PGAP1: variants seen among roughly 807,000 people sequenced by gnomAD.
PGAP1 encodes the protein post-GPI attachment to proteins inositol deacylase 1, also known as GPI inositol-deacylase.
In PGAP1, 76 loss-of-function variants were observed where a neutral mutation model predicts 127.0. The observed-to-expected ratio is 0.60, with a 90% confidence interval of 0.50 to 0.72. The LOEUF (loss-of-function observed/expected upper bound fraction) is 0.72. PGAP1 is among the 30% of genes least tolerant of loss of function. The probability of loss-of-function intolerance (pLI) is 0.00; values close to 1 mark genes in which losing one functional copy is unlikely to be tolerated. For missense variants in PGAP1, 982 were observed against 1,071.3 expected, an observed-to-expected ratio of 0.92 and a Z score of 1.16; for synonymous variants, 362 against 366.5, an observed-to-expected ratio of 0.99 and a Z score of 0.14.
At chr2:196,886,156 TC>T (rs1443947058) in intron 10 of PGAP1, among the ~76,000 whole-genome samples, 3 of 144,908 alleles carry the variant, frequency 2.1e-5, no homozygotes, top group South Asian at 2.3e-4. Context: ...ACTGGTTATC[TC>T]TTTTTTTTTT....
At chr2:196,900,903 G>C (rs970347899) in intron 5 of PGAP1, among the ~76,000 whole-genome samples, 19 of 151,864 alleles carry the variant, frequency 1.3e-4, no homozygotes, top group African/African-American at 4.6e-4. Flanking sequence ...CTCCAGCCTG[G>C]GCTACAGAGC....
chr2:196,912,773 T>A, intron 4 of PGAP1, 109 bp downstream of exon 4: 1 of 1,004,986 alleles, frequency 1.0e-6, no homozygotes, highest in South Asian at 2.4e-5. Flanking sequence ...CTGAGTTGCT[T>A]CATACATGGA....
At position 196,880,087 on chromosome 2, in the gene PGAP1, G is replaced by A. The variant is rs1422722679; in HGVS notation, c.1339C>T (p.Arg447Cys). 8.1e-6 allele frequency: 13 copies of A among 1,601,874 alleles called. No homozygotes were observed. Among genetic ancestry groups the A allele is most frequent in the South Asian group, 1.1e-5 (1 of 90,230 alleles). ...SHLVVYVPSV[R>C]GSKFVVDCEF... ...AACCCACTTGTTACCTTACTTCCACGAACAGATGGTACATAAACAACAAGA... is the reference window on the plus strand; with the variant it reads ...AACCCACTTGTTACCTTACTTCCACAAACAGATGGTACATAAACAACAAGA... Residue 447 changes from arginine to cysteine, a missense_variant, in exon 13 of 27, where the codon CGT (arginine) becomes TGT (cysteine). Transcript: ENST00000354764.
At chr2:196,851,055 G>A (rs964558351) in intron 20 of PGAP1, among the ~76,000 whole-genome samples, 4 of 151,912 alleles carry the variant, frequency 2.6e-5, no homozygotes, top group Admixed American at 2.6e-4. Flanking sequence ...TAAATTATAA[G>A]GGGAGAAAAA....
intron 5 of PGAP1, among the ~76,000 whole-genome samples, chr2:196,899,894 T>A (rs1394614733): frequency 6.6e-6 from 1 of 152,162 alleles, no homozygotes; most frequent in Non-Finnish European, 1.5e-5. Flanking sequence ...AAAAATTAGC[T>A]GGGCATGGGG....
At chr2:196,923,971 G>A (rs1221762346) in intron 1 of PGAP1, among the ~76,000 whole-genome samples, 1 of 152,178 alleles carries the variant, frequency 6.6e-6, no homozygotes, top group Non-Finnish European at 1.5e-5. Flanking sequence ...TGTCGTAATA[G>A]GGCAAGAAGC....
chr2:196,845,338 G>C (rs1274960566), intron 23 of PGAP1, among the ~76,000 whole-genome samples: 5 of 149,498 alleles, frequency 3.3e-5, no homozygotes, highest in African/African-American at 1.2e-4. Flanking sequence ...GAATACACTT[G>C]TATTACCTCC....
At position 196,875,749 on chromosome 2, in the gene PGAP1, A is replaced by G; in HGVS notation, c.1423T>C (p.Phe475Leu). Residue 475 changes from phenylalanine to leucine, a missense_variant, in exon 14 of 27, where the codon TTT becomes CTT. Transcript: ENST00000354764. ...IQLPVTHLFSFGLSSRKVVLN... is the reference protein window; with the variant it reads ...IQLPVTHLFSLGLSSRKVVLN... ...TTTCCAAAAACAAAGTACTTACCAA[A>G]GGAAAAAAGATGAGTTACAGGAAGC... is the stretch of plus-strand genomic sequence containing the variant. The G allele has an allele frequency of 6.5e-7, 1 of 1,530,478 alleles. No homozygotes were observed. Among genetic ancestry groups the G allele is most frequent in the South Asian group, 1.1e-5 (1 of 87,456 alleles). The allele number at this position is 1,530,478 out of a possible 1,614,324, so 94.8% of individuals were successfully genotyped here.
chr2:196,841,436 A>C, intron 26 of PGAP1, 64 bp from the exon 27 acceptor site: 5 of 1,221,886 alleles, frequency 4.1e-6, no homozygotes, highest in Non-Finnish European at 4.7e-6. Context: ...AAATTATATC[A>C]ATCTTTTATA....
chr2:196,871,980 A>C (rs1203874932), intron 18 of PGAP1, among the ~76,000 whole-genome samples: 1 of 152,174 alleles, frequency 6.6e-6, no homozygotes, highest in Non-Finnish European at 1.5e-5. Context: ...CAAAATAAAC[A>C]CAATAGGTAT....
intron 21 of PGAP1, chr2:196,847,440 A>C (rs867306252): frequency 2.6e-4 from 72 of 278,524 alleles, no homozygotes; most frequent in African/African-American, 1.3e-3. Context: ...TATTGATACT[A>C]GTAGAAAGTA....
At position 196,920,013 on chromosome 2, in the gene PGAP1, A is replaced by T. The variant is rs1703136184; in HGVS notation, c.285T>A (p.Ala95=). 1.9e-6 allele frequency: 3 copies of T among 1,609,250 alleles called. No individual in the cohort carries two copies. Among genetic ancestry groups the T allele is most frequent in the Non-Finnish European group, 2.5e-6 (3 of 1,178,516 alleles). The part of the protein sequence containing the change: ...GIPVLFLPGN[A]GSYKQVRSIG... Reference sequence around the variant, plus strand: ...AAGACTTACCTTGCTTATAACTTCCAGCATTACCAGGAAGAAAGAGAACTG... The same window carrying T: ...AAGACTTACCTTGCTTATAACTTCCTGCATTACCAGGAAGAAAGAGAACTG... The change falls in exon 2 of 27, where the codon GCT becomes GCA. Residue 95 remains alanine, a synonymous_variant. Coordinates refer to ENST00000354764, the MANE Select transcript of PGAP1 (RefSeq NM_024989.4).
chr2:196,914,959 A>G (rs1702955823), intron 3 of PGAP1, among the ~76,000 whole-genome samples: 1 of 151,856 alleles, frequency 6.6e-6, no homozygotes, highest in African/African-American at 2.4e-5. Context: ...TGGGACTACA[A>G]GTGTGCACCA....
intron 12 of PGAP1, among the ~76,000 whole-genome samples, chr2:196,882,803 G>T (rs754157023): frequency 2.6e-5 from 4 of 152,180 alleles, no homozygotes; most frequent in Non-Finnish European, 4.4e-5. Context: ...TGCAAACAAA[G>T]ATAATTTGAC....
At chr2:196,871,167 T>G (rs1014962405) in intron 18 of PGAP1, among the ~76,000 whole-genome samples, 188 bp from the exon 19 acceptor site, 2 of 152,190 alleles carry the variant, frequency 1.3e-5, no homozygotes, top group African/African-American at 4.8e-5. Context: ...AGTAGAGTGT[T>G]ACTGTTTAGT....
At chr2:196,919,919 A>C (rs1015926222) in intron 2 of PGAP1, 78 bp downstream of exon 2, 14 of 1,419,436 alleles carry the variant, frequency 9.9e-6, no homozygotes, top group Non-Finnish European at 1.3e-5. Flanking sequence ...ACTTTATTTG[A>C]TTCACCGAGT....
intron 5 of PGAP1, among the ~76,000 whole-genome samples, chr2:196,901,158 T>TTATC (rs1406545735): frequency 2.6e-5 from 4 of 152,250 alleles, no homozygotes; most frequent in Non-Finnish European, 5.9e-5. Context: ...GAGTTGACAC[T>TTATC]TAGTCTTTTG....
intron 13 of PGAP1, among the ~76,000 whole-genome samples, chr2:196,877,333 G>C (rs560935933): frequency 2.6e-5 from 4 of 152,196 alleles, no homozygotes; most frequent in African/African-American, 9.6e-5. Flanking sequence ...ATGTTCTGAT[G>C]ATGAGCTATA....
At chr2:196,852,105 T>C (rs901747177) in intron 20 of PGAP1, among the ~76,000 whole-genome samples, 7 of 152,220 alleles carry the variant, frequency 4.6e-5, no homozygotes, top group Admixed American at 1.3e-4. Context: ...CCAGTGAGTT[T>C]GTATTACTAC....
Sources: gnomAD v4.1 joint callset for allele counts (sites outside exome capture counted in the v4.1 genomes callset) on GRCh38, gnomAD v4.1.1 for gene constraint, MANE v1.5 for transcripts, NCBI Gene and HGNC (gene_info 2026-07-23, HGNC 2026-07-21) for gene names.